MAP3K5: variants seen among roughly 807,000 people sequenced by gnomAD.
MAP3K5 encodes mitogen-activated protein kinase kinase kinase 5.
In MAP3K5, 56 loss-of-function variants were observed where a neutral mutation model predicts 158.7. That is an observed-to-expected ratio of 0.35 (90% CI 0.28 to 0.44). MAP3K5 has a LOEUF of 0.44. Ranked by LOEUF, MAP3K5 falls within the 20% of genes least tolerant of loss-of-function variation. The pLI, the probability that MAP3K5 is intolerant of heterozygous loss-of-function variation, is 1.00. For synonymous variants in MAP3K5, 579 were observed against 601.7 expected (o/e 0.96, Z 0.55); for missense variants, 1,294 against 1,674.8 (o/e 0.77, Z 3.97).
intron 1 of MAP3K5, among the ~76,000 whole-genome samples, chr6:136,734,437 A>AAG (rs2114843618): frequency 6.6e-6 from 1 of 151,514 alleles, no homozygotes; most frequent in Admixed American, 6.6e-5. Context: ...AAAAAAAAAA[A>AAG]AAAAAAAGGC....
chr6:136,586,667 G>C (rs1281379888), intron 23 of MAP3K5, among the ~76,000 whole-genome samples: 1 of 152,098 alleles, frequency 6.6e-6, no homozygotes, highest in Non-Finnish European at 1.5e-5. Flanking sequence ...TGATTGGATC[G>C]AAGGATACAA....
Position 136,791,734 on chromosome 6 carries a change from C to T in MAP3K5, c.424G>A (p.Val142Met), listed in dbSNP as rs1195776159. 1.2e-6 allele frequency: 2 copies of T among 1,613,342 alleles called. No individual in the cohort carries two copies. The highest frequency in any genetic ancestry group is 1.7e-6 in the Non-Finnish European group (2 of 1,180,026). Reference sequence around the variant, plus strand: ...CCTGCATTGTAAAAGCGGTCCAGCACGGTGGTTTCTCCAAAGTCGAGTTTC... The same window carrying T: ...CCTGCATTGTAAAAGCGGTCCAGCATGGTGGTTTCTCCAAAGTCGAGTTTC... ...FGKLDFGETTVLDRFYNADIA... is the reference protein window; with the variant it reads ...FGKLDFGETTMLDRFYNADIA... The change falls in exon 1 of 30, where the codon GTG becomes ATG. Residue 142 changes from valine (V) to methionine (M), a missense_variant. Physicochemically the swap from Val to Met is conservative, Grantham distance 21. Coordinates refer to ENST00000359015, the MANE Select transcript of MAP3K5 (RefSeq NM_005923.4).
At chr6:136,563,634 A>G (rs1830613063) in intron 26 of MAP3K5, among the ~76,000 whole-genome samples, 4 of 152,224 alleles carry the variant, frequency 2.6e-5, no homozygotes. Context: ...TATTCATACC[A>G]AAGTTCTTAC....
chr6:136,615,139 G>T (rs1306471313), intron 15 of MAP3K5, among the ~76,000 whole-genome samples: 2 of 152,208 alleles, frequency 1.3e-5, no homozygotes, highest in African/African-American at 2.4e-5. Flanking sequence ...TGTAATTATT[G>T]TACAGCTTGC....
chr6:136,742,428 A>G (rs1030801770), intron 1 of MAP3K5, among the ~76,000 whole-genome samples: 2 of 151,868 alleles, frequency 1.3e-5, no homozygotes, highest in African/African-American at 4.8e-5. Context: ...GAACCTCTAC[A>G]TGAAAAAAAA....
chr6:136,792,139 C>G lies in MAP3K5; in HGVS notation c.19G>C (p.Glu7Gln), dbSNP rs749639291. ...GGTGGCACAGAGAAAGTGATGCCCT[C>G]GTCCGCCTCCGTGCTCATCTCTCCG... MSTEAD[E>Q]GITFSVPPFA... The change falls in exon 1 of 30, where the codon GAG (glutamate) becomes CAG (glutamine). Residue 7 changes from glutamate (E) to glutamine (Q), a missense_variant. Physicochemically the swap from Glu to Gln is conservative, Grantham distance 29 (BLOSUM62 2). Coordinates refer to ENST00000359015, the MANE Select transcript of MAP3K5 (RefSeq NM_005923.4). This position sits in a 1 kb window ranked among gnomAD's most constrained non-coding sequence, Gnocchi z 5.7. The G allele has an allele frequency of 6.4e-7, 1 of 1,570,814 alleles. No individual in the cohort carries two copies. Among genetic ancestry groups the G allele is most frequent in the East Asian group, 2.3e-5 (1 of 43,176 alleles).
In MAP3K5 at chr6:136,567,737, C is replaced by G. The variant is rs1420152571; in HGVS notation, c.3655G>C (p.Ala1219Pro). 10 of 1,613,968 alleles carry G rather than the reference C, an allele frequency of 6.2e-6. No homozygotes were observed. The highest frequency in any genetic ancestry group is 8.5e-6 in the Non-Finnish European group (10 of 1,180,036). ...RPQAVIEDAVATSGVSTLSST... is the reference protein window; with the variant it reads ...RPQAVIEDAVPTSGVSTLSST... ...CTGAGCGTGCTCACGCCTGAGGTAG[C>G]CACAGCATCTTCAATGACAGCCTGA... Residue 1219 changes from alanine (A) to proline (P), a missense_variant, in exon 26 of 30, where the codon GCT becomes CCT. Transcript: ENST00000359015.
chr6:136,755,847 G>A (rs1386689746), intron 1 of MAP3K5, among the ~76,000 whole-genome samples: 3 of 152,046 alleles, frequency 2.0e-5, no homozygotes. Context: ...TGAATAAGAA[G>A]CAAGGAGTCA....
chr6:136,725,499 C>G (rs1041474302), intron 1 of MAP3K5, among the ~76,000 whole-genome samples: 1 of 152,146 alleles, frequency 6.6e-6, no homozygotes, highest in African/African-American at 2.4e-5. Flanking sequence ...ATCTGTATAT[C>G]TTATTTGGTT....
intron 7 of MAP3K5, among the ~76,000 whole-genome samples, chr6:136,672,167 G>A (rs1779510475): frequency 6.6e-6 from 1 of 152,162 alleles, no homozygotes; most frequent in Non-Finnish European, 1.5e-5. Context: ...ATGTGAGGGG[G>A]AAAGCTTGTG....
At chr6:136,650,736 T>C (rs1778483409) in intron 11 of MAP3K5, among the ~76,000 whole-genome samples, 1 of 152,230 alleles carries the variant, frequency 6.6e-6, no homozygotes, top group African/African-American at 2.4e-5. Flanking sequence ...ATTCTGAGTA[T>C]GCTTTGGATG....
At chr6:136,722,871 T>C (rs1455949905) in intron 1 of MAP3K5, among the ~76,000 whole-genome samples, 1 of 151,786 alleles carries the variant, frequency 6.6e-6, no homozygotes, top group Non-Finnish European at 1.5e-5. Context: ...AAATTTTTTG[T>C]AAACACAGGT....
intron 15 of MAP3K5, among the ~76,000 whole-genome samples, chr6:136,615,935 A>C (rs978991558): frequency 6.6e-6 from 1 of 152,016 alleles, no homozygotes; most frequent in Non-Finnish European, 1.5e-5. Context: ...TAAAGCAATT[A>C]GTTTATAAAC....
At chr6:136,728,344 A>G (rs757372774) in intron 1 of MAP3K5, among the ~76,000 whole-genome samples, 2 of 152,154 alleles carry the variant, frequency 1.3e-5, no homozygotes, top group Non-Finnish European at 2.9e-5. Flanking sequence ...ATTTGACCTA[A>G]AAGTCATGTC....
intron 10 of MAP3K5, among the ~76,000 whole-genome samples, chr6:136,653,495 G>A (rs187216298): frequency 2.0e-5 from 3 of 152,150 alleles, no homozygotes. Context: ...CTATGCTAAG[G>A]ACATGACAAG....
Position 136,608,840 on chromosome 6 carries a change from C to T in MAP3K5, c.2521+2442G>A, listed in dbSNP as rs1294484430. ...CTCCATAAATGGTGATCACTGCTGC[C>T]TTTTCCCTCATCAAAATCACCAAAA... On this transcript the variant is annotated intron_variant, in intron 18 of 29. Transcript: ENST00000359015. Among the ~76,000 whole-genome samples, 6 of 152,206 alleles carry T rather than the reference C, an allele frequency of 3.9e-5. No homozygotes were observed. In the South Asian group the frequency reaches 6.2e-4, roughly 16 times the overall value.
At chr6:136,714,904 A>G (rs1781456808) in intron 2 of MAP3K5, among the ~76,000 whole-genome samples, 1 of 152,232 alleles carries the variant, frequency 6.6e-6, no homozygotes, top group Non-Finnish European at 1.5e-5. Context: ...ACTGAGGCAG[A>G]GTAAGGGTTT....
intron 21 of MAP3K5, among the ~76,000 whole-genome samples, chr6:136,595,540 C>T (rs922605173): frequency 9.2e-5 from 14 of 152,138 alleles, no homozygotes; most frequent in African/African-American, 3.4e-4. Context: ...TGCTGATGGA[C>T]TGGAGTGAAG....
intron 15 of MAP3K5, among the ~76,000 whole-genome samples, chr6:136,615,117 A>C (rs963317765): frequency 1.3e-5 from 2 of 152,232 alleles, no homozygotes; most frequent in Non-Finnish European, 2.9e-5. Context: ...CCTGAATTTA[A>C]TGTAGCCCTA....
Sources: gnomAD v4.1 joint callset for allele counts (sites outside exome capture counted in the v4.1 genomes callset) on GRCh38, gnomAD v4.1.1 for gene constraint, Gnocchi (gnomAD v3.1) non-coding constraint, MANE v1.5 for transcripts, NCBI Gene and HGNC (gene_info 2026-07-23, HGNC 2026-07-21) for gene names.